The following PARD3B variants were observed in gnomAD, a reference collection of about 807,000 sequenced individuals.
PARD3B encodes par-3 family cell polarity regulator beta.
In PARD3B, 103 loss-of-function variants were observed where a neutral mutation model predicts 130.2. The observed-to-expected ratio is 0.79, with a 90% CI of 0.67 to 0.93. The LOEUF is 0.93. Among genes scored for constraint, PARD3B ranks in the 40% least tolerant of loss-of-function variants. PARD3B has a pLI of 0.00. For synonymous variants in PARD3B, 583 were observed against 553.2 expected, an observed-to-expected ratio of 1.05 and a Z score of -0.76; for missense variants, 1,609 against 1,499.2, an observed-to-expected ratio of 1.07 and a Z score of -1.21.
At chr2:205,169,842 T>A (rs1430475489) in intron 11 of PARD3B, among the ~76,000 whole-genome samples, 1 of 152,106 alleles carries the variant, frequency 6.6e-6, no homozygotes, top group African/African-American at 2.4e-5. Context: ...TCTCCTTTCT[T>A]ATATGACAAT....
At position 205,205,145 on chromosome 2, in the gene PARD3B, TC is replaced by T. The variant is rs770908492; in HGVS notation, c.2140+11827del. ...TTCCTTGAGCAGTGGTTTGTAGTTC[TC>T]CTTGAAGAGGTCCTTCACATCCCTT... On this transcript the variant is annotated intron_variant, in intron 15 of 22. Transcript: ENST00000406610. Among the ~76,000 whole-genome samples, 17 of 152,212 alleles carry T rather than the reference TC, an allele frequency of 1.1e-4. 3 individuals carry two copies. Among genetic ancestry groups the T allele is most frequent in the Admixed American group, 9.8e-4 (15 of 15,274 alleles).
At chr2:205,567,237 A>G (rs1291967214) in intron 22 of PARD3B, among the ~76,000 whole-genome samples, 1 of 151,858 alleles carries the variant, frequency 6.6e-6, no homozygotes. Context: ...CAGAATGGAA[A>G]AAAATAATGA....
rs1405549674 is a variant in PARD3B, at chr2:205,209,214, T to C, written c.2140+15894T>C. ...CCCTTCCTTACACCTTATACAAAAA[T>C]CAATTCAAGATGGATTAAAGACTTA... On this transcript the variant is annotated intron_variant, in intron 15 of 22. Coordinates refer to ENST00000406610, the MANE Select transcript of PARD3B (RefSeq NM_001302769.2). Among the ~76,000 whole-genome samples, 3 of 145,502 alleles carry C rather than the reference T, an allele frequency of 2.1e-5. No individual in the cohort carries two copies. The East Asian group carries it at 5.9e-4, about 29-fold the overall frequency.
rs147385995 is a variant in PARD3B, at chr2:205,264,870, C to T, written c.2185+19048C>T. On this transcript the variant is annotated intron_variant, in intron 16 of 22. Transcript: ENST00000406610. ...TGTTATTTGAAAATACTTTTTTTTA[C>T]ACACATACATATAAATTACAGGTTT... Among the ~76,000 whole-genome samples, 24 of 150,808 alleles carry T rather than the reference C, an allele frequency of 1.6e-4. 1 individual carries two copies. The highest frequency in any genetic ancestry group is 5.3e-4 in the African/African-American group (22 of 41,148).
At chr2:204,963,832 G>A (rs549785824) in intron 2 of PARD3B, among the ~76,000 whole-genome samples, 15 of 152,302 alleles carry the variant, frequency 9.8e-5, no homozygotes, top group African/African-American at 3.4e-4. Context: ...TGCCTTGGGA[G>A]TAGCATTTCT....
chr2:205,337,266 T>C (rs563825733), intron 18 of PARD3B, among the ~76,000 whole-genome samples: 112 of 152,320 alleles, frequency 7.4e-4, no homozygotes, highest in African/African-American at 2.6e-3. Context: ...TAATAAGTAA[T>C]AATAATTTTT....
At chr2:205,124,723 T>G (rs1052368097) in intron 9 of PARD3B, among the ~76,000 whole-genome samples, 4 of 152,194 alleles carry the variant, frequency 2.6e-5, no homozygotes, top group African/African-American at 7.2e-5. Context: ...CTTCCCTCTC[T>G]TATTTCTACC....
chr2:204,884,192 G>A (rs558907504), intron 2 of PARD3B, among the ~76,000 whole-genome samples: 1 of 152,156 alleles, frequency 6.6e-6, no homozygotes, highest in South Asian at 2.1e-4. Context: ...TGATATTGTC[G>A]CCAGTGAGAG....
At chr2:205,084,643 T>C (rs1320029904) in intron 4 of PARD3B, among the ~76,000 whole-genome samples, 1 of 152,112 alleles carries the variant, frequency 6.6e-6, no homozygotes, top group Non-Finnish European at 1.5e-5. Flanking sequence ...TTCTCTGTTA[T>C]GTATGTTGTT....
At chr2:205,419,056 T>C (rs1416405728) in intron 19 of PARD3B, among the ~76,000 whole-genome samples, 1 of 152,190 alleles carries the variant, frequency 6.6e-6, no homozygotes, top group Non-Finnish European at 1.5e-5. Context: ...CTATGTAATA[T>C]ATATACATAC....
At chr2:205,543,018 G>T (rs1027101453) in intron 21 of PARD3B, among the ~76,000 whole-genome samples, 1 of 152,044 alleles carries the variant, frequency 6.6e-6, no homozygotes, top group Non-Finnish European at 1.5e-5. Context: ...ATCTAGCATG[G>T]AATCTGATTC....
intron 2 of PARD3B, among the ~76,000 whole-genome samples, chr2:204,831,960 C>T (rs542585075): frequency 5.9e-5 from 9 of 152,220 alleles, no homozygotes; most frequent in East Asian, 5.8e-4. Context: ...TAGATATCCA[C>T]GCCTGTAATC....
At chr2:205,051,978 G>A (rs1575645892) in intron 4 of PARD3B, among the ~76,000 whole-genome samples, 2 of 152,224 alleles carry the variant, frequency 1.3e-5, no homozygotes, top group East Asian at 3.9e-4. Flanking sequence ...TCTATTGACT[G>A]CTTTTGAATT....
At chr2:204,804,001 G>C (rs1280799661) in intron 2 of PARD3B, among the ~76,000 whole-genome samples, 1 of 152,152 alleles carries the variant, frequency 6.6e-6, no homozygotes, top group Non-Finnish European at 1.5e-5. Context: ...GATCACTTCA[G>C]CCAGGAGTTT....
At chr2:204,793,804 G>A (rs2042276349) in intron 2 of PARD3B, among the ~76,000 whole-genome samples, 2 of 152,022 alleles carry the variant, frequency 1.3e-5, no homozygotes, top group Admixed American at 1.3e-4. Flanking sequence ...ACCACGCCCG[G>A]CCATCATTGA....
Position 205,122,341 on chromosome 2 carries a change from A to G in PARD3B, c.1165+392A>G, listed in dbSNP as rs2030845737. Among the ~76,000 whole-genome samples the G allele has an allele frequency of 6.6e-6, 1 of 152,196 alleles. No individual in the cohort carries two copies. Among genetic ancestry groups the G allele is most frequent in the Non-Finnish European group, 1.5e-5 (1 of 68,030 alleles). On this transcript the variant is annotated intron_variant, in intron 8 of 22. Coordinates refer to ENST00000406610, the MANE Select transcript of PARD3B (RefSeq NM_001302769.2). This position sits in a 1 kb window ranked among gnomAD's most constrained non-coding sequence, Gnocchi z 4.3. ...CCAAAAAGCATATTGTTTTTCTAAG[A>G]CAGTCTTCTAACAACAAAAATTTAC... is the stretch of plus-strand genomic sequence containing the variant.
chr2:205,357,689 T>C (rs12373610), intron 18 of PARD3B, among the ~76,000 whole-genome samples: 91,831 of 152,058 alleles, frequency 0.6, 30,937 homozygotes, highest in South Asian at 0.77. Flanking sequence ...TGATAGATTG[T>C]AATTATGCAG....
rs181849076 is a variant in PARD3B, at chr2:204,683,974, G to A, written c.121-2207G>A. Among the ~76,000 whole-genome samples the A allele has an allele frequency of 2.0e-5, 3 of 152,288 alleles. No individual in the cohort carries two copies. The East Asian group carries it at 5.8e-4, about 29-fold the overall frequency. On this transcript the variant is annotated intron_variant, in intron 1 of 22. Coordinates refer to ENST00000406610, the MANE Select transcript of PARD3B (RefSeq NM_001302769.2). Reference sequence around the variant, plus strand: ...TCCACAATGTCTTGGATCCCAGTGTGCGTGAGGGAGGAATGGATGTGATGC... The same window carrying A: ...TCCACAATGTCTTGGATCCCAGTGTACGTGAGGGAGGAATGGATGTGATGC...
intron 22 of PARD3B, among the ~76,000 whole-genome samples, chr2:205,581,292 A>C (rs1190405999): frequency 7.1e-6 from 1 of 141,610 alleles, no homozygotes; most frequent in East Asian, 2.1e-4. Flanking sequence ...ATATATAGAT[A>C]GATATAGATA....
Sources: allele counts gnomAD v4.1 joint callset (sites outside exome capture counted in the v4.1 genomes callset), GRCh38; gene constraint gnomAD v4.1.1; non-coding constraint Gnocchi (gnomAD v3.1); transcripts MANE v1.5; gene names NCBI Gene and HGNC (gene_info 2026-07-23, HGNC 2026-07-21).